CNTLN: variants seen among roughly 807,000 people sequenced by gnomAD.
CNTLN encodes the protein centlein.
CNTLN carries 212 observed loss-of-function variants against 180.0 expected under a neutral mutation model. That is an observed-to-expected ratio of 1.18 (90% CI 1.05 to 1.32). The LOEUF (loss-of-function observed/expected upper bound fraction) is 1.32. CNTLN is among the 40% of genes most tolerant of loss of function. CNTLN has a pLI of 0.00. For missense variants in CNTLN, 2,095 were observed against 1,610.9 expected (o/e 1.30, Z -5.14); for synonymous variants, 722 against 563.1 (o/e 1.28, Z -3.99).
intron 8 of CNTLN, among the ~76,000 whole-genome samples, chr9:17,325,636 T>C (rs1644752388): frequency 1.3e-5 from 2 of 151,934 alleles, no homozygotes; most frequent in Non-Finnish European, 2.9e-5. Flanking sequence ...AGAAAAAGTA[T>C]TTCTTTTGCT....
chr9:17,172,519 A>G (rs1820482965), intron 2 of CNTLN, among the ~76,000 whole-genome samples: 2 of 152,100 alleles, frequency 1.3e-5, no homozygotes, highest in Admixed American at 1.3e-4. Context: ...GCTTATGGAT[A>G]ACTTTCTAGT....
chr9:17,387,859 G>A (rs1330391789), intron 13 of CNTLN, among the ~76,000 whole-genome samples: 2 of 151,542 alleles, frequency 1.3e-5, no homozygotes, highest in African/African-American at 4.9e-5. Context: ...AGGCAAAGGG[G>A]GAATAGTCTA....
chr9:17,278,267 C>G (rs1280522766), intron 6 of CNTLN, among the ~76,000 whole-genome samples: 2 of 151,736 alleles, frequency 1.3e-5, no homozygotes, highest in African/African-American at 4.9e-5. Context: ...GAAGACTGGC[C>G]CATTCTCAGT....
At chr9:17,406,915 G>A (rs531698624) in intron 15 of CNTLN, among the ~76,000 whole-genome samples, 18 of 151,564 alleles carry the variant, frequency 1.2e-4, no homozygotes, top group Non-Finnish European at 2.1e-4. Context: ...TGTTTTGAGA[G>A]TGTCTTATTG....
intron 23 of CNTLN, among the ~76,000 whole-genome samples, chr9:17,480,723 C>T (rs994903190): frequency 2.0e-4 from 30 of 152,162 alleles, no homozygotes; most frequent in African/African-American, 6.8e-4. Context: ...CAAAATTTAT[C>T]TATCCACTTA....
At chr9:17,334,667 A>G (rs1820880666) in intron 10 of CNTLN, among the ~76,000 whole-genome samples, 1 of 152,156 alleles carries the variant, frequency 6.6e-6, no homozygotes. Flanking sequence ...TAATGTAGAA[A>G]CAGAAAACTA....
chr9:17,214,560 T>G (rs1823589826), intron 2 of CNTLN, among the ~76,000 whole-genome samples: 1 of 152,172 alleles, frequency 6.6e-6, no homozygotes, highest in Non-Finnish European at 1.5e-5. Flanking sequence ...GAGGAGTATC[T>G]TTGTGGCGTT....
intron 12 of CNTLN, among the ~76,000 whole-genome samples, chr9:17,343,742 C>A (rs1370950818): frequency 6.6e-6 from 1 of 152,048 alleles, no homozygotes; most frequent in East Asian, 1.9e-4. Flanking sequence ...CAGAGCTGCA[C>A]CGTCCATTAT....
rs758462017 is a variant in CNTLN at position 17,298,180 on chromosome 9, C to T, written c.984-10C>T. ...CATACTTTTCTCTATTTATTGCTTG[C>T]TTTGCACAGGAAGGAACTGCAGGAG... is the stretch of plus-strand genomic sequence containing the variant. On this transcript the variant is annotated splice_polypyrimidine_tract_variant and intron_variant, in intron 6 of 25. Transcript: ENST00000380647. 1 of 1,436,034 alleles carries T rather than the reference C, an allele frequency of 7.0e-7. No individual in the cohort carries two copies. The highest frequency in any genetic ancestry group is 1.7e-5 in the South Asian group (1 of 58,126). The allele number at this position is 1,436,034 out of a possible 1,614,324, so 89.0% of individuals were successfully genotyped here.
chr9:17,392,289 C>G (rs1293935193), intron 14 of CNTLN, among the ~76,000 whole-genome samples: 1 of 152,064 alleles, frequency 6.6e-6, no homozygotes, highest in Non-Finnish European at 1.5e-5. Flanking sequence ...TACTTACTTG[C>G]ATCAAATATG....
At chr9:17,376,503 G>A (rs907701814) in intron 13 of CNTLN, among the ~76,000 whole-genome samples, 24 of 150,568 alleles carry the variant, frequency 1.6e-4, no homozygotes, top group African/African-American at 4.2e-4. Flanking sequence ...TGAGGCTGGA[G>A]TGCAGTGGCG....
chr9:17,449,454 C>G (rs1830660922), intron 18 of CNTLN, among the ~76,000 whole-genome samples: 1 of 151,860 alleles, frequency 6.6e-6, no homozygotes, highest in Admixed American at 6.6e-5. Flanking sequence ...ATGTAACTAA[C>G]CTGCACAATG....
chr9:17,288,854 T>C (rs1335738169), intron 6 of CNTLN, among the ~76,000 whole-genome samples: 1 of 123,874 alleles, frequency 8.1e-6, no homozygotes, highest in South Asian at 3.5e-4. Flanking sequence ...TGTTTTCCAT[T>C]TGCTTGGTAG....
chr9:17,299,694 G>T, intron 7 of CNTLN: 1 of 962,480 alleles, frequency 1.0e-6, no homozygotes, highest in Non-Finnish European at 1.2e-6. Flanking sequence ...TGTGTTTTTT[G>T]TTTCTAAAGC....
chr9:17,522,068 T>A, the CNTLN span, among the ~76,000 whole-genome samples: 2 of 152,156 alleles, frequency 1.3e-5, no homozygotes, highest in African/African-American at 2.4e-5. Flanking sequence ...CCCACCTGTA[T>A]GCATTTTCTG....
chr9:17,440,448 G>T (rs1469238464), intron 18 of CNTLN, among the ~76,000 whole-genome samples: 9 of 151,240 alleles, frequency 6.0e-5, no homozygotes, highest in Non-Finnish European at 1.0e-4. Flanking sequence ...AATGAGCCGG[G>T]CGTAGTGGCA....
At chr9:17,378,387 G>A (rs1824954841) in intron 13 of CNTLN, among the ~76,000 whole-genome samples, 5 of 152,038 alleles carry the variant, frequency 3.3e-5, no homozygotes, top group Admixed American at 2.6e-4. Flanking sequence ...CACCATGTTG[G>A]CCAGGATGGT....
intron 5 of CNTLN, among the ~76,000 whole-genome samples, chr9:17,254,459 G>A (rs1454409914): frequency 1.3e-5 from 2 of 149,288 alleles, no homozygotes; most frequent in Admixed American, 6.7e-5. Flanking sequence ...TCCATTTGGA[G>A]GTTTTTTTTT....
intron 8 of CNTLN, among the ~76,000 whole-genome samples, chr9:17,311,145 C>T (rs1819104644): frequency 6.6e-6 from 1 of 151,962 alleles, no homozygotes; most frequent in Non-Finnish European, 1.5e-5. Flanking sequence ...CTGCCTCAGC[C>T]TCCCGAGTAG....
Sources: gnomAD v4.1 joint callset for allele counts (sites outside exome capture counted in the v4.1 genomes callset) on GRCh38, gnomAD v4.1.1 for gene constraint, MANE v1.5 for transcripts, NCBI Gene and HGNC (gene_info 2026-07-23, HGNC 2026-07-21) for gene names.